PSPC1: variants seen among roughly 807,000 people sequenced by gnomAD.
PSPC1 encodes the protein paraspeckle protein 1.
In PSPC1, 14 loss-of-function variants were observed where a neutral mutation model predicts 51.6. The ratio of observed to expected loss-of-function variants is 0.27; its 90% CI spans 0.18 to 0.42. The LOEUF is 0.42. PSPC1 is among the 10% of genes least tolerant of loss of function. The probability of loss-of-function intolerance (pLI) is 1.00; values close to 1 mark genes in which losing one functional copy is unlikely to be tolerated. For missense variants in PSPC1, 406 were observed against 701.1 expected, an observed-to-expected ratio of 0.58 and a Z score of 4.75; for synonymous variants, 193 against 231.9, an observed-to-expected ratio of 0.83 and a Z score of 1.53.
Position 19,782,261 on chromosome 13 carries a change from G to C in PSPC1, c.372+125C>G. 1 of 1,382,760 alleles carries C rather than the reference G, an allele frequency of 7.2e-7. No homozygotes were observed. The highest frequency in any genetic ancestry group is 9.5e-7 in the Non-Finnish European group (1 of 1,057,164). 85.7% of individuals were successfully genotyped at this position (1,382,760 alleles called of 1,614,324 possible). A position where few individuals can be genotyped will look rare whatever the true frequency, so the allele number is the denominator to read the frequency against. On this transcript the variant is annotated intron_variant, in intron 1 of 8. Coordinates refer to ENST00000338910, the MANE Select transcript of PSPC1 (RefSeq NM_001354909.2). This position sits in a 1 kb window ranked among gnomAD's most constrained non-coding sequence, Gnocchi z 4.5. The stretch of plus-strand genomic sequence containing the variant: ...AACCCCGCACAGAGGAATCGATGAG[G>C]CCGAGCGGCGCCACGGTTGCCACAG...
downstream of PSPC1, chr13:19,673,323 C>A (rs1876262591): frequency 1.0e-5 from 3 of 296,526 alleles, no homozygotes; most frequent in Admixed American, 4.2e-5. Flanking sequence ...GTATGAAATA[C>A]GATTTTAATG....
intron 2 of PSPC1, among the ~76,000 whole-genome samples, chr13:19,760,983 G>T (rs1052931380): frequency 4.6e-5 from 7 of 150,950 alleles, no homozygotes; most frequent in Admixed American, 1.3e-4. Flanking sequence ...GTGAAACTCC[G>T]TCTCAAATTA....
At chr13:19,671,701 C>T, downstream of PSPC1, 1 of 734,318 alleles carries the variant, frequency 1.4e-6, no homozygotes, top group Non-Finnish European at 2.4e-6. Context: ...AATGATCTAA[C>T]AATGTAAATT....
chr13:19,730,966 A>AAAAAC lies in PSPC1; in HGVS notation c.1053-623_1053-622insGTTTT, dbSNP rs1566002396. On this transcript the variant is annotated intron_variant, in intron 5 of 8. Coordinates refer to ENST00000338910, the MANE Select transcript of PSPC1 (RefSeq NM_001354909.2). ...TCTCAGAAAAAAAAAACAAAAAAACAAAAAAAAAAAAAACAGAAAAAGTCT... is the reference window on the plus strand; with the variant it reads ...TCTCAGAAAAAAAAAACAAAAAAACAAAAACAAAAAAAAAAAAACAGAAAAAGTCT... Among the ~76,000 whole-genome samples, 46 of 25,536 alleles carry AAAAAC rather than the reference A, an allele frequency of 1.8e-3. No individual in the cohort carries two copies. The East Asian group carries it at 0.035, about 19-fold the overall frequency. 16.8% of individuals were successfully genotyped at this position (25,536 alleles called of 152,430 possible). A position where few individuals can be genotyped will look rare whatever the true frequency, so the allele number is the denominator to read the frequency against.
intron 8 of PSPC1, among the ~76,000 whole-genome samples, chr13:19,704,359 A>G (rs1211912871): frequency 6.6e-6 from 1 of 152,146 alleles, no homozygotes; most frequent in African/African-American, 2.4e-5. Flanking sequence ...AACTGCCAGC[A>G]TGTCCAATTT....
chr13:19,772,624 T>A, intron 1 of PSPC1, 81 bp from the exon 2 acceptor site: 1 of 1,336,822 alleles, frequency 7.5e-7, no homozygotes, highest in Non-Finnish European at 1.0e-6. Context: ...TAGGGAGAAC[T>A]AGGTATCTTT....
At chr13:19,734,613 C>G (rs998924872) in intron 5 of PSPC1, among the ~76,000 whole-genome samples, 2 of 152,088 alleles carry the variant, frequency 1.3e-5, no homozygotes, top group Non-Finnish European at 2.9e-5. Flanking sequence ...ACGAGCCTGG[C>G]CAACATGGTG....
intron 7 of PSPC1, chr13:19,677,657 AG>A: frequency 2.4e-6 from 1 of 410,440 alleles, no homozygotes; most frequent in Admixed American, 3.4e-5. Context: ...AGAATTGACT[AG>A]AAAAAACTAG....
intron 2 of PSPC1, among the ~76,000 whole-genome samples, chr13:19,765,784 T>C (rs1261246604): frequency 6.6e-6 from 1 of 152,156 alleles, no homozygotes; most frequent in Non-Finnish European, 1.5e-5. Context: ...CAATTAGCAC[T>C]GATAGTATAT....
At chr13:19,757,186 GCTTTGGGACCTT>G (rs1197035478) in intron 3 of PSPC1, among the ~76,000 whole-genome samples, 11 of 150,764 alleles carry the variant, frequency 7.3e-5, no homozygotes, top group African/African-American at 2.7e-4. Context: ...CCACAACAAA[GCTTTGGGACCTT>G]GAACTTTGGG....
chr13:19,765,345 A>G (rs1887966493), intron 2 of PSPC1, among the ~76,000 whole-genome samples: 1 of 128,482 alleles, frequency 7.8e-6, no homozygotes, highest in Non-Finnish European at 1.7e-5. Flanking sequence ...AATAATAATA[A>G]TTATTATTAT....
chr13:19,744,429 A>T (rs530873214), intron 4 of PSPC1, among the ~76,000 whole-genome samples: 4 of 152,316 alleles, frequency 2.6e-5, no homozygotes, highest in African/African-American at 9.6e-5. Context: ...TGACTAAATT[A>T]TATATTTTTT....
chr13:19,737,265 C>G (rs927716435), intron 5 of PSPC1: 2 of 152,284 alleles, frequency 1.3e-5, no homozygotes, highest in African/African-American at 2.4e-5. Context: ...CCACTAACAC[C>G]TTTCTTCTGT....
intron 6 of PSPC1, among the ~76,000 whole-genome samples, chr13:19,691,365 T>C (rs1415737204): frequency 6.6e-6 from 1 of 151,902 alleles, no homozygotes; most frequent in East Asian, 1.9e-4. Flanking sequence ...CCTGTTTCTA[T>C]AACTTTTTTT....
intron 1 of PSPC1, among the ~76,000 whole-genome samples, chr13:19,778,106 G>A (rs1227102783): frequency 2.0e-5 from 3 of 151,528 alleles, no homozygotes; most frequent in African/African-American, 7.3e-5. Flanking sequence ...GCTGGGCGTG[G>A]TTGCATGCGC....
At chr13:19,695,402 T>C (rs1453474182) in intron 6 of PSPC1, among the ~76,000 whole-genome samples, 2 of 152,218 alleles carry the variant, frequency 1.3e-5, no homozygotes, top group Non-Finnish European at 2.9e-5. Flanking sequence ...ACTTGGAGCA[T>C]GTTATTTTCC....
chr13:19,776,544 ACT>A (rs1259591718), intron 1 of PSPC1, among the ~76,000 whole-genome samples: 4 of 150,626 alleles, frequency 2.7e-5, no homozygotes, highest in East Asian at 2.0e-4. Flanking sequence ...ATGGAGTCTC[ACT>A]CTGTCACCCA....
In PSPC1 at chr13:19,702,517, A is replaced by C. The variant is rs1880044232; in HGVS notation, c.*658T>G. ...TCAAACAGTTTTTTTCAAGATGAAA[A>C]AGATTTATTTGGAAAAATCAGCACA... On this transcript the variant is annotated 3_prime_UTR_variant, in exon 9 of 9. Transcript: ENST00000338910. 6.6e-6 allele frequency: 1 copy of C among 152,214 alleles called. No homozygotes were observed. Among genetic ancestry groups the C allele is most frequent in the African/African-American group, 2.4e-5 (1 of 41,462 alleles). 9.4% of individuals were successfully genotyped at this position (152,214 alleles called of 1,614,324 possible). A position where few individuals can be genotyped will look rare whatever the true frequency, so the allele number is the denominator to read the frequency against.
intron 2 of PSPC1, among the ~76,000 whole-genome samples, chr13:19,766,024 A>G (rs73437152): frequency 2.2e-4 from 33 of 152,348 alleles, no homozygotes; most frequent in African/African-American, 7.9e-4. Flanking sequence ...GGAAAAGTAC[A>G]AAATTATTTT....
Sources: allele counts gnomAD v4.1 joint callset (sites outside exome capture counted in the v4.1 genomes callset), GRCh38; gene constraint gnomAD v4.1.1; non-coding constraint Gnocchi (gnomAD v3.1); transcripts MANE v1.5; gene names NCBI Gene and HGNC (gene_info 2026-07-23, HGNC 2026-07-21).